The following PTPRM variants were observed in gnomAD, a reference collection of about 807,000 sequenced individuals.
PTPRM encodes protein tyrosine phosphatase receptor type M.
A neutral mutation model predicts 186.7 loss-of-function variants in PTPRM; 47 were observed. The ratio of observed to expected loss-of-function variants is 0.25; its 90% CI spans 0.20 to 0.32. PTPRM has a LOEUF of 0.32. Ranked by LOEUF, PTPRM falls within the 10% of genes least tolerant of loss-of-function variation. The pLI, the probability that PTPRM is intolerant of heterozygous loss-of-function variation, is 1.00. For missense variants in PTPRM, 1,494 were observed against 1,865.0 expected (o/e 0.80, Z 3.66); for synonymous variants, 668 against 674.9 (o/e 0.99, Z 0.16).
At chr18:7,872,468 TG>T (rs1358682378) in intron 2 of PTPRM, among the ~76,000 whole-genome samples, 3 of 152,220 alleles carry the variant, frequency 2.0e-5, no homozygotes, top group African/African-American at 7.2e-5. Context: ...GTACCTGGTT[TG>T]TTTTTTTTAC....
chr18:7,768,451 C>T (rs1202225762), intron 1 of PTPRM, among the ~76,000 whole-genome samples: 1 of 152,082 alleles, frequency 6.6e-6, no homozygotes, highest in Non-Finnish European at 1.5e-5. Flanking sequence ...TAGGACTGTG[C>T]CACTGCACTC....
chr18:7,928,370 G>A (rs1266378534), intron 5 of PTPRM, among the ~76,000 whole-genome samples: 1 of 152,038 alleles, frequency 6.6e-6, no homozygotes, highest in African/African-American at 2.4e-5. Flanking sequence ...ACTGTCCTCC[G>A]TATTCAAATT....
intron 20 of PTPRM, among the ~76,000 whole-genome samples, chr18:8,309,322 G>A (rs1400935085): frequency 6.6e-6 from 1 of 152,142 alleles, no homozygotes; most frequent in African/African-American, 2.4e-5. Context: ...TGAACTTGGT[G>A]TTCAGACTTA....
At chr18:8,266,738 C>G (rs968579044) in intron 19 of PTPRM, among the ~76,000 whole-genome samples, 2 of 151,944 alleles carry the variant, frequency 1.3e-5, no homozygotes, top group African/African-American at 4.8e-5. Flanking sequence ...TGAAACCCCA[C>G]CTCTACTAAA....
chr18:7,625,610 C>T (rs937289060), intron 1 of PTPRM, among the ~76,000 whole-genome samples: 7 of 152,158 alleles, frequency 4.6e-5, no homozygotes, highest in Admixed American at 3.9e-4. Flanking sequence ...TCTCGGCTCA[C>T]TGCAACCTCC....
rs551973705 is a variant in PTPRM at position 8,155,388 on chromosome 18, T to A, written c.2300+11609T>A. The stretch of plus-strand genomic sequence containing the variant: ...CTGTGGTACATAGAAATCACAGAAG[T>A]TGCAGCTATTGAAAATAATTAAAGA... On this transcript the variant is annotated intron_variant, in intron 14 of 32. Coordinates refer to ENST00000580170, the MANE Select transcript of PTPRM (RefSeq NM_001105244.2). Among the ~76,000 whole-genome samples, 3 of 152,276 alleles carry A rather than the reference T, an allele frequency of 2.0e-5. No homozygotes were observed. The South Asian group carries it at 6.2e-4, about 32-fold the overall frequency.
At chr18:8,394,222 T>G (rs2095834164) in intron 31 of PTPRM, among the ~76,000 whole-genome samples, 1 of 152,192 alleles carries the variant, frequency 6.6e-6, no homozygotes, top group South Asian at 2.1e-4. Context: ...GATGAATTGC[T>G]GTATCAGAGA....
chr18:8,040,771 G>A lies in PTPRM; in HGVS notation c.1133-28915G>A, dbSNP rs570651757. ...AAAGTTTATTTCACCAGTTTATCTG[G>A]AGAATGTTGTTCATTTATCAGTTTC... On this transcript the variant is annotated intron_variant, in intron 7 of 32. Coordinates refer to ENST00000580170, the MANE Select transcript of PTPRM (RefSeq NM_001105244.2). 1.3e-3 allele frequency among the ~76,000 whole-genome samples: 196 copies of A among 152,320 alleles called. 1 individual carries two copies. Among genetic ancestry groups the A allele is most frequent in the African/African-American group, 4.6e-3 (193 of 41,570 alleles).
At position 7,816,948 on chromosome 18, in the gene PTPRM, CTT is replaced by C. The variant is rs1432905488; in HGVS notation, c.196+42680_196+42681del. On this transcript the variant is annotated intron_variant, in intron 2 of 32. Coordinates refer to ENST00000580170, the MANE Select transcript of PTPRM (RefSeq NM_001105244.2). ...ATGCATCTCTTTGAGAAGAAAACGT[CTT>C]TTATTTTTTCTAGTTAGTTAATTAA... Among the ~76,000 whole-genome samples, 3 of 148,156 alleles carry C rather than the reference CTT, an allele frequency of 2.0e-5. No individual in the cohort carries two copies. In the East Asian group the frequency reaches 6.0e-4, roughly 29 times the overall value.
At chr18:8,302,569 G>A (rs1376203826) in intron 20 of PTPRM, among the ~76,000 whole-genome samples, 1 of 152,182 alleles carries the variant, frequency 6.6e-6, no homozygotes, top group Non-Finnish European at 1.5e-5. Context: ...AGGGACAGCT[G>A]TTGAGGAATT....
chr18:7,617,297 G>A (rs1168399849), intron 1 of PTPRM, among the ~76,000 whole-genome samples: 5 of 152,164 alleles, frequency 3.3e-5, no homozygotes, highest in African/African-American at 1.2e-4. Context: ...ATATCGATTT[G>A]TAGGTTGAAT....
At chr18:7,665,405 A>T (rs1355169769) in intron 1 of PTPRM, among the ~76,000 whole-genome samples, 3 of 152,140 alleles carry the variant, frequency 2.0e-5, no homozygotes, top group Non-Finnish European at 1.5e-5. Flanking sequence ...TCAAATTTTC[A>T]TTTACATAGA....
At chr18:7,813,518 C>A (rs1026644985) in intron 2 of PTPRM, among the ~76,000 whole-genome samples, 5 of 152,172 alleles carry the variant, frequency 3.3e-5, no homozygotes, top group Non-Finnish European at 7.4e-5. Context: ...GGCTCCAGGG[C>A]ACTTATCATC....
intron 7 of PTPRM, among the ~76,000 whole-genome samples, chr18:8,056,253 G>A (rs1252240273): frequency 6.6e-6 from 1 of 152,148 alleles, no homozygotes; most frequent in African/African-American, 2.4e-5. Context: ...AAATACAGTT[G>A]CTATAGCCAA....
intron 1 of PTPRM, among the ~76,000 whole-genome samples, chr18:7,599,811 C>T (rs1002828298): frequency 2.0e-5 from 3 of 152,186 alleles, no homozygotes; most frequent in African/African-American, 2.4e-5. Flanking sequence ...GGCACCCTCC[C>T]GAGCTGGGGA....
rs117612283 is a variant in PTPRM at position 8,309,922 on chromosome 18, A to T, written c.2843-4859A>T. Among the ~76,000 whole-genome samples the T allele has an allele frequency of 1.6e-4, 24 of 152,260 alleles. No homozygotes were observed. The East Asian group carries it at 4.4e-3, about 28-fold the overall frequency. The stretch of plus-strand genomic sequence containing the variant: ...AAAAAGTGAAATCAAAGGACTATTG[A>T]CATTTAAGGAAGGAGAATTTATACC... On this transcript the variant is annotated intron_variant, in intron 20 of 32. Coordinates refer to ENST00000580170, the MANE Select transcript of PTPRM (RefSeq NM_001105244.2).
chr18:8,357,324 T>A (rs1420305376), intron 23 of PTPRM, among the ~76,000 whole-genome samples: 16 of 152,258 alleles, frequency 1.1e-4, no homozygotes, highest in African/African-American at 3.9e-4. Context: ...TTCTCTAATT[T>A]ATAGACCTTC....
chr18:7,698,342 G>A (rs2039887574), intron 1 of PTPRM, among the ~76,000 whole-genome samples: 1 of 152,130 alleles, frequency 6.6e-6, no homozygotes, highest in Non-Finnish European at 1.5e-5. Flanking sequence ...CAGCTTTTCA[G>A]AGAAATACCA....
intron 1 of PTPRM, among the ~76,000 whole-genome samples, chr18:7,755,754 T>C (rs2144681212): frequency 6.6e-6 from 1 of 152,346 alleles, no homozygotes; most frequent in South Asian, 2.1e-4. Flanking sequence ...ATATTTGTGC[T>C]GTTCTACAGA....
Sources: allele counts gnomAD v4.1 joint callset (sites outside exome capture counted in the v4.1 genomes callset), GRCh38; gene constraint gnomAD v4.1.1; transcripts MANE v1.5; gene names NCBI Gene and HGNC (gene_info 2026-07-23, HGNC 2026-07-21).